Variants in HJV observed in about 807,000 individuals in gnomAD.
The protein encoded by HJV is hemojuvelin.
Under a neutral mutation model 22.7 loss-of-function variants are expected in HJV, and 18 were observed. The observed-to-expected ratio is 0.79, with a 90% confidence interval of 0.55 to 1.18. HJV has a LOEUF of 1.18. Among genes scored for constraint, HJV ranks in the 50% most tolerant of loss-of-function variants. HJV has a pLI of 0.00. For synonymous variants in HJV, 229 were observed against 222.7 expected, an observed-to-expected ratio of 1.03 and a Z score of -0.25; for missense variants, 572 against 553.0, an observed-to-expected ratio of 1.03 and a Z score of -0.34.
Position 146,018,150 on chromosome 1 carries a change from A to G in HJV, c.1208T>C (p.Val403Ala). ...TAAGAGGGTTGCTGAGGAAAGAGGA[A>G]CCCCAGCATCTGAGGGGAAGAGATG... ...KLHLFPSDAGVPLSSATLLAP... is the reference protein window; with the variant it reads ...KLHLFPSDAGAPLSSATLLAP... Residue 403 changes from valine to alanine, a missense_variant, in exon 4 of 4, where the codon GTT becomes GCT. Val to Ala is a moderately conservative substitution (Grantham distance 64). Coordinates refer to ENST00000336751, the MANE Select transcript of HJV (RefSeq NM_213653.4). 6.2e-7 allele frequency: 1 copy of G among 1,614,074 alleles called. No individual in the cohort carries two copies.
chr1:146,019,924 C>G (rs1652613949), intron 2 of HJV, among the ~76,000 whole-genome samples, 190 bp from the exon 3 acceptor site: 1 of 152,126 alleles, frequency 6.6e-6, no homozygotes, highest in African/African-American at 2.4e-5. Context: ...AGTGTGTAAG[C>G]CTGCCACATC....
rs185631771 is a variant in HJV, at chr1:146,019,623, C to T, written c.209G>A (p.Arg70Gln). ...GALRGGGGGGRGGGVGSGGLC... is the reference protein window; with the variant it reads ...GALRGGGGGGQGGGVGSGGLC... Reference sequence around the variant, plus strand: ...GCCGCCAGAGCCCACCCCTCCACCCCGGCCTCCTCCTCCTCCTCCTCGAAG... The same window carrying T: ...GCCGCCAGAGCCCACCCCTCCACCCTGGCCTCCTCCTCCTCCTCCTCGAAG... Residue 70 changes from arginine (R) to glutamine (Q), a missense_variant, in exon 3 of 4, where the codon CGG becomes CAG. Transcript: ENST00000336751. 1.2e-6 allele frequency: 2 copies of T among 1,613,320 alleles called. No homozygotes were observed. Among genetic ancestry groups the T allele is most frequent in the South Asian group, 1.1e-5 (1 of 91,066 alleles).
In HJV at chr1:146,017,902, G is replaced by A; in HGVS notation, c.*175C>T. ...ATCCGGAATGCAGTAACCTTGCCCA[G>A]AATCCTTATTCTGTGATAATTTCAA... On this transcript the variant is annotated 3_prime_UTR_variant, in exon 4 of 4. Transcript: ENST00000336751. 2 of 731,198 alleles carry A rather than the reference G, an allele frequency of 2.7e-6. No homozygotes were observed. The highest frequency in any genetic ancestry group is 2.3e-6 in the Non-Finnish European group (1 of 439,624). 45.3% of individuals were successfully genotyped at this position (731,198 alleles called of 1,614,324 possible).
Position 146,019,373 on chromosome 1 carries a change from C to A in HJV, c.459G>T (p.Arg153=). ...PAPDPCDYEG[R]FSRLHGRPPG... is the part of the protein sequence containing the mutation. ...GGGGACGACCATGCAGCCGGGAAAA[C>A]CGGCCTTCATAGTCACAAGGGTCCG... Residue 153 remains arginine (R), a synonymous_variant, in exon 3 of 4, where the codon CGG becomes CGT. Transcript: ENST00000336751. The A allele has an allele frequency of 6.2e-7, 1 of 1,613,816 alleles. No homozygotes were observed. The highest frequency in any genetic ancestry group is 8.5e-7 in the Non-Finnish European group (1 of 1,180,028).
At position 146,018,167 on chromosome 1, in the gene HJV, G is replaced by A. The variant is rs782252773; in HGVS notation, c.1191C>T (p.Phe397=). ...AAAGAGGAACCCCAGCATCTGAGGG[G>A]AAGAGATGCAGCTTCTCTAAGTCTG... ...FLPDLEKLHL[F]PSDAGVPLSS... Residue 397 remains phenylalanine (F), a synonymous_variant, in exon 4 of 4, where the codon TTC becomes TTT. Coordinates refer to ENST00000336751, the MANE Select transcript of HJV (RefSeq NM_213653.4). The A allele has an allele frequency of 1.2e-6, 2 of 1,613,962 alleles. No individual in the cohort carries two copies. Among genetic ancestry groups the A allele is most frequent in the Non-Finnish European group, 1.7e-6 (2 of 1,179,982 alleles).
chr1:146,020,559 A>G (rs782400131), intron 1 of HJV, among the ~76,000 whole-genome samples: 1 of 152,128 alleles, frequency 6.6e-6, no homozygotes, highest in Non-Finnish European at 1.5e-5. Flanking sequence ...AGTGAACTCA[A>G]GGGGGCAGAG....
chr1:146,018,530 G>T lies in HJV; in HGVS notation c.828C>A (p.Ile276=), dbSNP rs140919572. Residue 276 remains isoleucine (I), a synonymous_variant, in exon 4 of 4, where the codon ATC becomes ATA. Coordinates refer to ENST00000336751, the MANE Select transcript of HJV (RefSeq NM_213653.4). Reference sequence around the variant, plus strand: ...TAGTTGTGCCAATGTAGGCAGCTTGGATCTCCACATGGTTCCCAGGGTTAG... The same window carrying T: ...TAGTTGTGCCAATGTAGGCAGCTTGTATCTCCACATGGTTCCCAGGGTTAG... ...QTANPGNHVE[I]QAAYIGTTII... The T allele has an allele frequency of 8.4e-4, 1,353 of 1,614,132 alleles. 13 individuals are homozygous for T. In the African/African-American group the frequency reaches 0.016, roughly 19 times the overall value.
At chr1:146,020,952 T>C (rs1652697653) in intron 1 of HJV, among the ~76,000 whole-genome samples, 1 of 152,230 alleles carries the variant, frequency 6.6e-6, no homozygotes. Context: ...TTGTTTTTTC[T>C]AAGTCAACAG....
Position 146,020,143 on chromosome 1 carries a change from C to G in HJV, c.89G>C (p.Cys30Ser). 2 of 1,607,010 alleles carry G rather than the reference C, an allele frequency of 1.2e-6. No individual in the cohort carries two copies. Among genetic ancestry groups the G allele is most frequent in the Non-Finnish European group, 1.7e-6 (2 of 1,173,546 alleles). ...CCCTGGCCCTTCCTTACCATGTCCACAGAGGAGCAGCAGGAGAGTGAGAGT... is the reference window on the plus strand; with the variant it reads ...CCCTGGCCCTTCCTTACCATGTCCAGAGAGGAGCAGCAGGAGAGTGAGAGT... The part of the protein sequence containing the change: ...LSTLTLLLLL[C>S]GHAHSQCKIL... The change falls in exon 2 of 4, where the codon TGT becomes TCT. Residue 30 changes from cysteine (C) to serine (S), a missense_variant. Coordinates refer to ENST00000336751, the MANE Select transcript of HJV (RefSeq NM_213653.4).
At position 146,019,365 on chromosome 1, in the gene HJV, C is replaced by A. The variant is rs1553769677; in HGVS notation, c.467G>T (p.Arg156Leu). The A allele has an allele frequency of 6.2e-7, 1 of 1,613,764 alleles. No homozygotes were observed. The highest frequency in any genetic ancestry group is 2.2e-5 in the East Asian group (1 of 44,884). ...GAACCCCGGGGGACGACCATGCAGC[C>A]GGGAAAACCGGCCTTCATAGTCACA... ...DPCDYEGRFS[R>L]LHGRPPGFLH... The change falls in exon 3 of 4, where the codon CGG becomes CTG. Residue 156 changes from arginine to leucine, a missense_variant. Transcript: ENST00000336751.
Position 146,017,975 on chromosome 1 carries a change from G to T in HJV, c.*102C>A. ...ACTCTGGATAATGTCATTGTTTCAC[G>T]TGTCTCCTAGGCCCTGCTTCCTTTA... On this transcript the variant is annotated 3_prime_UTR_variant, in exon 4 of 4. Transcript: ENST00000336751. 7.9e-7 allele frequency: 1 copy of T among 1,258,110 alleles called. No individual in the cohort carries two copies. The highest frequency in any genetic ancestry group is 1.2e-6 in the Non-Finnish European group (1 of 869,550). The allele number at this position is 1,258,110 out of a possible 1,614,324, so 77.9% of individuals were successfully genotyped here.
Position 146,019,508 on chromosome 1 carries a change from A to T in HJV, c.324T>A (p.His108Gln), listed in dbSNP as rs200128844. The T allele has an allele frequency of 2.6e-5, 42 of 1,612,912 alleles. No individual in the cohort carries two copies. The highest frequency in any genetic ancestry group is 1.1e-5 in the South Asian group (1 of 91,080). Residue 108 changes from histidine (H) to glutamine (Q), a missense_variant, in exon 3 of 4, where the codon CAT becomes CAA. Physicochemically the swap from His to Gln is conservative, Grantham distance 24. Transcript: ENST00000336751. ...GCTGGATCATCAGGTCTTCGATGCC[A>T]TGTACCGCCGAATGGAAGGCGAGGT... ...RGDLAFHSAV[H>Q]GIEDLMIQHN...
At position 146,017,728 on chromosome 1, in the gene HJV, C is replaced by G; in HGVS notation, c.*349G>C. Reference sequence around the variant, plus strand: ...CATGTCTTCTGCTTTCAGCTCTTGCCTCTTAAAAATCTCAACCCTTAAATC... The same window carrying G: ...CATGTCTTCTGCTTTCAGCTCTTGCGTCTTAAAAATCTCAACCCTTAAATC... On this transcript the variant is annotated 3_prime_UTR_variant, in exon 4 of 4. Coordinates refer to ENST00000336751, the MANE Select transcript of HJV (RefSeq NM_213653.4). 1 of 269,940 alleles carries G rather than the reference C, an allele frequency of 3.7e-6. No individual in the cohort carries two copies. Among genetic ancestry groups the G allele is most frequent in the Non-Finnish European group, 7.6e-6 (1 of 131,760 alleles). 16.7% of individuals were successfully genotyped at this position (269,940 alleles called of 1,614,324 possible). A position where few individuals can be genotyped will look rare whatever the true frequency, so the allele number is the denominator to read the frequency against.
rs782274848 is a variant in HJV, at chr1:146,019,514, C to G, written c.318G>C (p.Ala106=). 1 of 1,612,964 alleles carries G rather than the reference C, an allele frequency of 6.2e-7. No homozygotes were observed. Among genetic ancestry groups the G allele is most frequent in the Non-Finnish European group, 8.5e-7 (1 of 1,179,908 alleles). ...TCATCAGGTCTTCGATGCCATGTACCGCCGAATGGAAGGCGAGGTCCCCGC... is the reference window on the plus strand; with the variant it reads ...TCATCAGGTCTTCGATGCCATGTACGGCCGAATGGAAGGCGAGGTCCCCGC... ...TCRGDLAFHS[A]VHGIEDLMIQ... Residue 106 remains alanine, a synonymous_variant, in exon 3 of 4, where the codon GCG becomes GCC. Transcript: ENST00000336751.
Position 146,018,215 on chromosome 1 carries a change from C to T in HJV, c.1143G>A (p.Leu381=). 1 of 1,614,174 alleles carries T rather than the reference C, an allele frequency of 6.2e-7. No individual in the cohort carries two copies. Among genetic ancestry groups the T allele is most frequent in the Non-Finnish European group, 8.5e-7 (1 of 1,180,026 alleles). Residue 381 remains leucine (L), a synonymous_variant, in exon 4 of 4, where the codon CTG becomes CTA. Coordinates refer to ENST00000336751, the MANE Select transcript of HJV (RefSeq NM_213653.4). Reference sequence around the variant, plus strand: ...CTGGCAGGAAGGCTCGGGCATCCTCCAGTGCTGCCTGAGCTGCCACGGTAA... The same window carrying T: ...CTGGCAGGAAGGCTCGGGCATCCTCTAGTGCTGCCTGAGCTGCCACGGTAA... The part of the protein sequence containing the change: ...PNFTVAAQAA[L]EDARAFLPDL...
At chr1:146,018,764 T>G in intron 3 of HJV, 64 bp from the exon 4 acceptor site, 1 of 1,531,188 alleles carries the variant, frequency 6.5e-7, no homozygotes, top group African/African-American at 1.4e-5. Context: ...CAATCAGACC[T>G]CATACATAGT....
In HJV at chr1:146,018,679, T is replaced by C. The variant is rs1553769531; in HGVS notation, c.679A>G (p.Met227Val). 1 of 1,614,080 alleles carries C rather than the reference T, an allele frequency of 6.2e-7. No homozygotes were observed. The highest frequency in any genetic ancestry group is 1.3e-5 in the African/African-American group (1 of 74,928). The change falls in exon 4 of 4, where the codon ATG becomes GTG. Residue 227 changes from methionine (M) to valine (V), a missense_variant. By Grantham distance (21) the Met-to-Val change is conservative. Coordinates refer to ENST00000336751, the MANE Select transcript of HJV (RefSeq NM_213653.4). ...TRKLTIIFKN[M>V]QECIDQKVYQ... ...ACCTTCTGATCAATGCATTCCTGCA[T>C]GTTCTTAAATATGATGGTGAGCTGT...
In HJV at chr1:146,018,554, A is replaced by G; in HGVS notation, c.804T>C (p.Ala268=). 6.2e-7 allele frequency: 1 copy of G among 1,614,228 alleles called. No homozygotes were observed. Among genetic ancestry groups the G allele is most frequent in the Non-Finnish European group, 8.5e-7 (1 of 1,180,038 alleles). The part of the protein sequence containing the change: ...PGGSSLSIQT[A]NPGNHVEIQA... ...GGATCTCCACATGGTTCCCAGGGTT[A>G]GCAGTTTGAATCGACAAACTGGATC... The change falls in exon 4 of 4, where the codon GCT becomes GCC. Residue 268 remains alanine, a synonymous_variant. Transcript: ENST00000336751.
rs1553769626 is a variant in HJV, at chr1:146,019,215, G to C, written c.617C>G (p.Ser206Cys). 1 of 1,614,162 alleles carries C rather than the reference G, an allele frequency of 6.2e-7. No homozygotes were observed. Residue 206 changes from serine to cysteine, a missense_variant, in exon 3 of 4, where the codon TCC becomes TGC. Transcript: ENST00000336751. ...AGCGTTGGCCCCCAACGCCATGGGG[G>C]AGCTGGTGGCTTGGACAAAGAGGAA... ...NDFLFVQATS[S>C]PMALGANATA... is the part of the protein sequence containing the mutation.
Sources: gnomAD v4.1 joint callset for allele counts (sites outside exome capture counted in the v4.1 genomes callset) on GRCh38, gnomAD v4.1.1 for gene constraint, MANE v1.5 for transcripts, NCBI Gene and HGNC (gene_info 2026-07-23, HGNC 2026-07-21) for gene names.